FAM13B: variants seen among roughly 807,000 people sequenced by gnomAD.
The protein encoded by FAM13B is family with sequence similarity 13 member B.
Under a neutral mutation model 117.3 loss-of-function variants are expected in FAM13B, and 60 were observed. That is an observed-to-expected ratio of 0.51 (90% CI 0.42 to 0.63). The LOEUF (loss-of-function observed/expected upper bound fraction) is 0.63, where lower values mean the gene tolerates loss of function less well. Ranked by LOEUF, FAM13B falls within the 30% of genes least tolerant of loss-of-function variation. The pLI is 0.00. For missense variants in FAM13B, 972 were observed against 1,091.9 expected (o/e 0.89, Z 1.55); for synonymous variants, 332 against 356.1 (o/e 0.93, Z 0.76).
intron 7 of FAM13B, among the ~76,000 whole-genome samples, chr5:137,991,386 A>C (rs554160131): frequency 7.0e-4 from 106 of 152,364 alleles, no homozygotes; most frequent in African/African-American, 2.5e-3. Flanking sequence ...TCATTTAATA[A>C]TGTGTTTTTA....
Position 137,943,542 on chromosome 5 carries a change from G to A in FAM13B, c.2341-326C>T, listed in dbSNP as rs532293346. 5.4e-3 allele frequency among the ~76,000 whole-genome samples: 823 copies of A among 152,216 alleles called. 7 individuals are homozygous for A. Among genetic ancestry groups the A allele is most frequent in the Non-Finnish European group, 8.4e-3 (569 of 68,006 alleles). The stretch of plus-strand genomic sequence containing the variant: ...CAGGCGGATCACAGGTAAGGAGATC[G>A]AGACCATCCTGGCTAACACGGTGAA... On this transcript the variant is annotated intron_variant, in intron 20 of 23. Coordinates refer to ENST00000689681, the MANE Select transcript of FAM13B (RefSeq NM_001385994.1).
At chr5:138,035,825 G>T (rs1791103083), upstream of FAM13B, among the ~76,000 whole-genome samples, 1 of 152,304 alleles carries the variant, frequency 6.6e-6, no homozygotes, top group Non-Finnish European at 1.5e-5. Context: ...TGTTAACTTT[G>T]TATGATGGTT....
At chr5:137,968,443 A>C (rs2150365587) in intron 10 of FAM13B, among the ~76,000 whole-genome samples, 1 of 151,626 alleles carries the variant, frequency 6.6e-6, no homozygotes, top group Admixed American at 6.6e-5. Flanking sequence ...TGTCTCAAAA[A>C]AAAAAAAAAA....
At chr5:137,989,965 G>A (rs1009647269) in intron 7 of FAM13B, among the ~76,000 whole-genome samples, 5 of 152,050 alleles carry the variant, frequency 3.3e-5, no homozygotes, top group African/African-American at 1.2e-4. Context: ...GGTTTCCTGT[G>A]AGCTAAAAGT....
intron 1 of FAM13B, among the ~76,000 whole-genome samples, chr5:138,032,316 T>C (rs1790300100): frequency 6.6e-6 from 1 of 152,132 alleles, no homozygotes; most frequent in South Asian, 2.1e-4. Flanking sequence ...CCGCAACCAC[T>C]CATCTCACGT....
intron 1 of FAM13B, among the ~76,000 whole-genome samples, chr5:138,046,455 T>A (rs562657054): frequency 6.6e-6 from 1 of 152,322 alleles, no homozygotes; most frequent in African/African-American, 2.4e-5. Context: ...ATTGTCTATT[T>A]TCTCTTTCCC....
intron 7 of FAM13B, among the ~76,000 whole-genome samples, chr5:137,999,976 G>GT (rs1391139467): frequency 1.3e-5 from 2 of 152,054 alleles, no homozygotes; most frequent in Non-Finnish European, 2.9e-5. Context: ...AGAAGAAAAT[G>GT]TAAGAATCCT....
At position 137,939,225 on chromosome 5, in the gene FAM13B, G is replaced by GTTT; in HGVS notation, c.*999_*1000insAAA. On this transcript the variant is annotated 3_prime_UTR_variant, in exon 24 of 24. Transcript: ENST00000689681. ...GGATTTTGCTGATTAAAATAGGAGG[G>GTTT]GAAAAAAAAAAAGATAACCCCCTGA... 1 of 151,508 alleles carries GTTT rather than the reference G, an allele frequency of 6.6e-6. No homozygotes were observed. Among genetic ancestry groups the GTTT allele is most frequent in the East Asian group, 1.9e-4 (1 of 5,184 alleles). 9.4% of individuals were successfully genotyped at this position (151,508 alleles called of 1,614,324 possible). A position where few individuals can be genotyped will look rare whatever the true frequency, so the allele number is the denominator to read the frequency against.
rs1032684219 is a variant in FAM13B, at chr5:137,992,013, C to A, written c.849-3698G>T. On this transcript the variant is annotated intron_variant, in intron 7 of 23. Transcript: ENST00000689681. ...CAAAGCTCACTACAGCCTCCACGTC[C>A]GTCTCAAGGGATTCTCCTGCCTCAG... Among the ~76,000 whole-genome samples, 3 of 151,968 alleles carry A rather than the reference C, an allele frequency of 2.0e-5. No homozygotes were observed. In the East Asian group the frequency reaches 5.8e-4, roughly 29 times the overall value.
intron 6 of FAM13B, among the ~76,000 whole-genome samples, chr5:138,010,144 C>A (rs1256577840): frequency 6.6e-6 from 1 of 152,092 alleles, no homozygotes; most frequent in Non-Finnish European, 1.5e-5. Flanking sequence ...CTATGCCTGG[C>A]TAATTTTTAT....
chr5:138,051,625 G>T (rs4835665), intron 1 of FAM13B, among the ~76,000 whole-genome samples: 1 of 151,988 alleles, frequency 6.6e-6, no homozygotes, highest in Non-Finnish European at 1.5e-5. Flanking sequence ...TGATTGCAAC[G>T]TCTTCATTTT....
intron 10 of FAM13B, among the ~76,000 whole-genome samples, chr5:137,967,451 AGGCGGAGGTTGCAGTG>A (rs920636298): frequency 6.6e-6 from 1 of 152,098 alleles, no homozygotes; most frequent in African/African-American, 2.4e-5. Context: ...TGAACCCAGG[AGGCGGAGGTTGCAGTG>A]GGCTGAGATC....
intron 1 of FAM13B, among the ~76,000 whole-genome samples, chr5:138,043,737 CT>C (rs1252729861): frequency 6.6e-6 from 1 of 152,028 alleles, no homozygotes; most frequent in Non-Finnish European, 1.5e-5. Flanking sequence ...CGCACCCGGC[CT>C]CTTTTTTTTC....
At chr5:138,006,771 A>C (rs1206768651) in intron 7 of FAM13B, among the ~76,000 whole-genome samples, 1 of 152,228 alleles carries the variant, frequency 6.6e-6, no homozygotes, top group African/African-American at 2.4e-5. Context: ...TTTAACAAGA[A>C]ATATTTGTAA....
At position 137,953,374 on chromosome 5, in the gene FAM13B, G is replaced by C. The variant is rs552806662; in HGVS notation, c.1810C>G (p.Gln604Glu). The change falls in exon 16 of 24, where the codon CAA (glutamine) becomes GAA (glutamate). Residue 604 changes from glutamine (Q) to glutamate (E), a missense_variant. Transcript: ENST00000689681. ...LVKKLQKKIR[Q>E]FEEQFERERN... is the part of the protein sequence containing the mutation. ...TCCCTTTCAAACTGTTCCTCAAATT[G>C]TCTGATTTTCTTCTGAAGTTTCTTG... is the stretch of plus-strand genomic sequence containing the variant. The C allele has an allele frequency of 1.6e-5, 26 of 1,613,888 alleles. No homozygotes were observed. In the East Asian group the frequency reaches 5.6e-4, roughly 35 times the overall value.
At chr5:138,029,888 G>A (rs756328150) in intron 1 of FAM13B, among the ~76,000 whole-genome samples, 3 of 152,104 alleles carry the variant, frequency 2.0e-5, no homozygotes, top group Non-Finnish European at 4.4e-5. Flanking sequence ...GACAGACATC[G>A]CTCTTAAAAT....
chr5:137,979,588 C>T (rs974843939), intron 10 of FAM13B, among the ~76,000 whole-genome samples: 16 of 152,182 alleles, frequency 1.1e-4, no homozygotes, highest in African/African-American at 3.9e-4. Flanking sequence ...TATCCTCCCA[C>T]AATACCCTGA....
At chr5:137,961,281 A>T (rs1768024432) in intron 11 of FAM13B, among the ~76,000 whole-genome samples, 1 of 149,330 alleles carries the variant, frequency 6.7e-6, no homozygotes, top group African/African-American at 2.5e-5. Context: ...ACTTATACAC[A>T]GTTGAAGTTG....
At chr5:138,046,426 C>A (rs571968983) in intron 1 of FAM13B, among the ~76,000 whole-genome samples, 3 of 152,170 alleles carry the variant, frequency 2.0e-5, no homozygotes, top group African/African-American at 7.2e-5. Context: ...AGCCACAAGG[C>A]GAGCTTTGAG....
Sources: allele counts gnomAD v4.1 joint callset (sites outside exome capture counted in the v4.1 genomes callset), GRCh38; gene constraint gnomAD v4.1.1; transcripts MANE v1.5; gene names NCBI Gene and HGNC (gene_info 2026-07-23, HGNC 2026-07-21).